The following PLCG2 variants were observed in gnomAD, a reference collection of about 807,000 sequenced individuals.
PLCG2 encodes the protein phospholipase C gamma 2.
A neutral mutation model predicts 175.6 loss-of-function variants in PLCG2; 69 were observed. The observed-to-expected ratio is 0.39, with a 90% CI of 0.32 to 0.48. PLCG2 has a LOEUF of 0.48. PLCG2 is among the 20% of genes least tolerant of loss of function. The probability of loss-of-function intolerance (pLI) is 0.91; values close to 1 mark genes in which losing one functional copy is unlikely to be tolerated. For missense variants in PLCG2, 1,798 were observed against 1,650.9 expected (o/e 1.09, Z -1.54); for synonymous variants, 827 against 624.0 (o/e 1.33, Z -4.85).
Position 81,944,365 on chromosome 16 carries a change from C to T in PLCG2, c.3482-1810C>T, listed in dbSNP as rs114041507. ...TTTCTTATTCCTTAATACAGTATAA[C>T]GATTATTTACACAGTATTTATATTG... is the stretch of plus-strand genomic sequence containing the variant. On this transcript the variant is annotated intron_variant, in intron 30 of 32. Coordinates refer to ENST00000564138, the MANE Select transcript of PLCG2 (RefSeq NM_002661.5). Among the ~76,000 whole-genome samples the T allele has an allele frequency of 8.0e-3, 1,224 of 152,110 alleles. 22 individuals carry two copies. Among genetic ancestry groups the T allele is most frequent in the African/African-American group, 0.027 (1,139 of 41,458 alleles).
intron 2 of PLCG2, among the ~76,000 whole-genome samples, chr16:81,762,467 G>A (rs994089564): frequency 5.9e-5 from 9 of 151,958 alleles, no homozygotes; most frequent in African/African-American, 2.2e-4. Flanking sequence ...TACTCGGGAG[G>A]CTGAGGCATG....
intron 1 of PLCG2, among the ~76,000 whole-genome samples, chr16:81,744,393 G>A (rs1400668947): frequency 6.6e-6 from 1 of 151,942 alleles, no homozygotes; most frequent in African/African-American, 2.4e-5. Context: ...TCAATCTCCT[G>A]ACCTCTTGAT....
intron 2 of PLCG2, among the ~76,000 whole-genome samples, chr16:81,816,835 C>G (rs759987441): frequency 6.6e-6 from 1 of 151,814 alleles, no homozygotes; most frequent in Non-Finnish European, 1.5e-5. Flanking sequence ...GTCCTGATGT[C>G]CAGAAGCAAG....
intron 31 of PLCG2, among the ~76,000 whole-genome samples, chr16:81,948,563 G>C (rs1911243002): frequency 6.6e-6 from 1 of 152,172 alleles, no homozygotes; most frequent in Non-Finnish European, 1.5e-5. Flanking sequence ...TCCTAGAGCA[G>C]ATGCTTGAAT....
At chr16:81,941,212 T>A (rs1352780846) in intron 30 of PLCG2, among the ~76,000 whole-genome samples, 1 of 152,216 alleles carries the variant, frequency 6.6e-6, no homozygotes, top group Admixed American at 6.5e-5. Flanking sequence ...GCCCAGTTTC[T>A]GAGCAGCAGG....
intron 2 of PLCG2, among the ~76,000 whole-genome samples, chr16:81,816,054 T>G: frequency 1.1e-5 from 1 of 87,018 alleles, no homozygotes. Context: ...AGAGCATGAC[T>G]TCATCTTTAA....
At chr16:81,903,514 A>C (rs1359579662) in intron 14 of PLCG2, among the ~76,000 whole-genome samples, 1 of 152,198 alleles carries the variant, frequency 6.6e-6, no homozygotes, top group Non-Finnish European at 1.5e-5. Flanking sequence ...TGCAGATGAG[A>C]AGTGTGAGGC....
chr16:81,898,809 T>C (rs1010049120), intron 13 of PLCG2, among the ~76,000 whole-genome samples: 2 of 152,152 alleles, frequency 1.3e-5, no homozygotes, highest in African/African-American at 4.8e-5. Context: ...TGTCAGGGGA[T>C]GTTCTTAAGA....
chr16:81,958,206 T>C lies in PLCG2; in HGVS notation c.*208T>C, dbSNP rs1911653127. On this transcript the variant is annotated 3_prime_UTR_variant, in exon 33 of 33. Transcript: ENST00000564138. Reference sequence around the variant, plus strand: ...TCTTGGACAACTTTCTTAACTTATATTCTTTATAGAGGATTCCCCAAAATG... The same window carrying C: ...TCTTGGACAACTTTCTTAACTTATACTCTTTATAGAGGATTCCCCAAAATG... 3.3e-5 allele frequency: 19 copies of C among 581,954 alleles called. No homozygotes were observed. In the South Asian group the frequency reaches 3.8e-4, roughly 12 times the overall value. The allele number at this position is 581,954 out of a possible 1,614,324, so 36.0% of individuals were successfully genotyped here.
intron 28 of PLCG2, chr16:81,938,447 A>G (rs2143732874): frequency 3.4e-6 from 1 of 296,244 alleles, no homozygotes; most frequent in Non-Finnish European, 6.3e-6. Context: ...AAAGAATGCC[A>G]CACTGTTCCT....
rs1567462030 is a variant in PLCG2 at position 81,784,311 on chromosome 16, CTAACT to C, written c.-47-1631_-47-1627del. ...TGCCTTCCCCAATGGCTGATTAATGCTAACTGAGACCCTGGTAAATGCTGCAGGCT... is the reference window on the plus strand; with the variant it reads ...TGCCTTCCCCAATGGCTGATTAATGCGAGACCCTGGTAAATGCTGCAGGCT... On this transcript the variant is annotated intron_variant, in intron 1 of 32. Coordinates refer to ENST00000564138, the MANE Select transcript of PLCG2 (RefSeq NM_002661.5). 1.5e-4 allele frequency among the ~76,000 whole-genome samples: 23 copies of C among 152,362 alleles called. No individual in the cohort carries two copies. The South Asian group carries it at 4.6e-3, about 30-fold the overall frequency.
intron 2 of PLCG2, among the ~76,000 whole-genome samples, chr16:81,798,123 G>A (rs898478901): frequency 9.2e-5 from 14 of 152,136 alleles, no homozygotes; most frequent in African/African-American, 2.7e-4. Flanking sequence ...GAGTCACCGC[G>A]CCTGGCCTGA....
At chr16:81,953,222 C>T (rs1223478629) in intron 31 of PLCG2, among the ~76,000 whole-genome samples, 6 of 152,080 alleles carry the variant, frequency 3.9e-5, no homozygotes, top group Admixed American at 6.5e-5. Flanking sequence ...TGTGGGATCC[C>T]GGATTGGATG....
chr16:81,927,578 C>T (rs1339835043), intron 23 of PLCG2, among the ~76,000 whole-genome samples: 1 of 152,158 alleles, frequency 6.6e-6, no homozygotes, highest in East Asian at 1.9e-4. Flanking sequence ...GAGATGAGGC[C>T]TTCCTGGTGA....
At chr16:81,841,891 G>A (rs955316342) in intron 2 of PLCG2, among the ~76,000 whole-genome samples, 11 of 152,218 alleles carry the variant, frequency 7.2e-5, no homozygotes, top group African/African-American at 2.7e-4. Context: ...AGTAAGCAAC[G>A]CTGGGGCTTT....
At chr16:81,803,108 T>G (rs1293703192) in intron 2 of PLCG2, among the ~76,000 whole-genome samples, 1 of 149,878 alleles carries the variant, frequency 6.7e-6, no homozygotes, top group East Asian at 2.0e-4. Flanking sequence ...GCTTTTTGCA[T>G]TTCACTTTTT....
intron 1 of PLCG2, among the ~76,000 whole-genome samples, chr16:81,748,877 C>G (rs1234637245): frequency 6.6e-6 from 1 of 152,160 alleles, no homozygotes; most frequent in Non-Finnish European, 1.5e-5. Flanking sequence ...CTCAGAGAGG[C>G]TCGGTGAGAT....
chr16:81,932,586 A>G (rs1383514709), intron 25 of PLCG2, among the ~76,000 whole-genome samples: 2 of 152,166 alleles, frequency 1.3e-5, no homozygotes, highest in African/African-American at 4.8e-5. Context: ...CCTCCAAGAT[A>G]GTCACCCACC....
intron 2 of PLCG2, among the ~76,000 whole-genome samples, chr16:81,792,745 A>G (rs552086506): frequency 6.6e-6 from 1 of 152,176 alleles, no homozygotes; most frequent in East Asian, 1.9e-4. Flanking sequence ...CTATCACGAG[A>G]ACAGCATGGA....
Sources: allele counts gnomAD v4.1 joint callset (sites outside exome capture counted in the v4.1 genomes callset), GRCh38; gene constraint gnomAD v4.1.1; transcripts MANE v1.5; gene names NCBI Gene and HGNC (gene_info 2026-07-23, HGNC 2026-07-21).